Variants in SMARCC1 observed in about 807,000 individuals in gnomAD.
SMARCC1 encodes the protein SWI/SNF complex subunit SMARCC1.
Under a neutral mutation model 147.4 loss-of-function variants are expected in SMARCC1, and 43 were observed. The observed-to-expected ratio is 0.29, with a 90% CI of 0.23 to 0.38. SMARCC1 has a LOEUF of 0.38. Among genes scored for constraint, SMARCC1 ranks in the 10% least tolerant of loss-of-function variants. The pLI is 1.00. For missense variants in SMARCC1, 1,119 were observed against 1,381.1 expected, an observed-to-expected ratio of 0.81 and a Z score of 3.01; for synonymous variants, 495 against 484.4, an observed-to-expected ratio of 1.02 and a Z score of -0.29.
chr3:47,602,842 C>T (rs979849648), intron 26 of SMARCC1, among the ~76,000 whole-genome samples: 1 of 152,184 alleles, frequency 6.6e-6, no homozygotes, highest in Non-Finnish European at 1.5e-5. Context: ...TCAAGAGTGC[C>T]TCATTTATTA....
chr3:47,614,098 T>C (rs1257743398), intron 25 of SMARCC1, among the ~76,000 whole-genome samples: 2 of 152,190 alleles, frequency 1.3e-5, no homozygotes, highest in Non-Finnish European at 2.9e-5. Flanking sequence ...CACACCTTCC[T>C]TTTCAATGCT....
At chr3:47,694,742 T>C (rs549325693) in intron 11 of SMARCC1, among the ~76,000 whole-genome samples, 9 of 152,342 alleles carry the variant, frequency 5.9e-5, no homozygotes, top group Non-Finnish European at 1.0e-4. Flanking sequence ...GAAAATCTTA[T>C]AGATGAAAAT....
At chr3:47,778,643 CTATTA>C (rs1309191773) in intron 1 of SMARCC1, among the ~76,000 whole-genome samples, 3 of 152,048 alleles carry the variant, frequency 2.0e-5, no homozygotes. Flanking sequence ...CAAAAAAAGT[CTATTA>C]TATTTTATTT....
At chr3:47,671,819 T>C (rs2033506286) in intron 18 of SMARCC1, among the ~76,000 whole-genome samples, 1 of 152,162 alleles carries the variant, frequency 6.6e-6, no homozygotes, top group Non-Finnish European at 1.5e-5. Context: ...ATTTAATAAA[T>C]AAACATTTCT....
At chr3:47,706,215 G>A (rs531322442) in intron 10 of SMARCC1, among the ~76,000 whole-genome samples, 194 bp downstream of exon 10, 1 of 152,154 alleles carries the variant, frequency 6.6e-6, no homozygotes, top group Non-Finnish European at 1.5e-5. Flanking sequence ...GGGATGACAG[G>A]CGTGCACCAC....
intron 11 of SMARCC1, among the ~76,000 whole-genome samples, chr3:47,699,403 C>T (rs2033891461): frequency 6.6e-6 from 1 of 152,106 alleles, no homozygotes; most frequent in Non-Finnish European, 1.5e-5. Flanking sequence ...TCTTTGTCAC[C>T]TTCAGCGTTA....
intron 24 of SMARCC1, among the ~76,000 whole-genome samples, chr3:47,628,853 A>C (rs542088658): frequency 8.5e-5 from 13 of 152,278 alleles, no homozygotes; most frequent in Non-Finnish European, 1.6e-4. Context: ...CATTTTAAAC[A>C]CAGAAATCCC....
chr3:47,670,061 T>C (rs770481494), intron 19 of SMARCC1, among the ~76,000 whole-genome samples: 5 of 152,252 alleles, frequency 3.3e-5, no homozygotes, highest in Non-Finnish European at 5.9e-5. Context: ...TTATTTCTAA[T>C]TGTCACACAT....
chr3:47,739,797 T>G (rs181124096), intron 3 of SMARCC1, among the ~76,000 whole-genome samples: 50 of 152,302 alleles, frequency 3.3e-4, no homozygotes, highest in Non-Finnish European at 5.4e-4. Flanking sequence ...GGCTACCCAC[T>G]ACCACTCAAT....
intron 6 of SMARCC1, among the ~76,000 whole-genome samples, chr3:47,721,654 A>G (rs2034234515): frequency 6.6e-6 from 1 of 152,160 alleles, no homozygotes; most frequent in African/African-American, 2.4e-5. Context: ...GAATAAAGCC[A>G]TGAAGCCCTC....
intron 25 of SMARCC1, among the ~76,000 whole-genome samples, chr3:47,617,872 G>A (rs1455594858): frequency 6.6e-6 from 1 of 152,184 alleles, no homozygotes; most frequent in Non-Finnish European, 1.5e-5. Flanking sequence ...ACAGGATGTG[G>A]CAGAAGGGAT....
chr3:47,683,139 T>G (rs1297453368), intron 14 of SMARCC1, among the ~76,000 whole-genome samples: 1 of 152,138 alleles, frequency 6.6e-6, no homozygotes, highest in East Asian at 1.9e-4. Flanking sequence ...ACCTCCCGGG[T>G]TCACGCCATT....
chr3:47,722,329 C>T (rs376226470), intron 6 of SMARCC1, among the ~76,000 whole-genome samples: 2 of 125,570 alleles, frequency 1.6e-5, no homozygotes, highest in African/African-American at 5.7e-5. Flanking sequence ...CAGAGTTTCA[C>T]TCTTGTTGCC....
At chr3:47,758,886 G>A (rs2034736791) in intron 2 of SMARCC1, among the ~76,000 whole-genome samples, 1 of 151,900 alleles carries the variant, frequency 6.6e-6, no homozygotes, top group South Asian at 2.1e-4. Context: ...GCGTGATGGT[G>A]CATGCCTGTA....
chr3:47,685,196 G>A (rs1424034257), intron 14 of SMARCC1, among the ~76,000 whole-genome samples: 1 of 152,076 alleles, frequency 6.6e-6, no homozygotes, highest in African/African-American at 2.4e-5. Flanking sequence ...TCTAATAACT[G>A]ATACGGATAC....
chr3:47,657,060 T>C (rs980783164), intron 21 of SMARCC1, among the ~76,000 whole-genome samples: 2 of 152,168 alleles, frequency 1.3e-5, no homozygotes, highest in Admixed American at 6.6e-5. Flanking sequence ...AAAGGTTCAA[T>C]ACATCAAAAA....
chr3:47,657,199 G>A (rs905880009), intron 21 of SMARCC1, among the ~76,000 whole-genome samples: 1 of 152,130 alleles, frequency 6.6e-6, no homozygotes, highest in African/African-American at 2.4e-5. Context: ...CAATAAAGGA[G>A]AGAGGTATGC....
At chr3:47,772,467 C>G (rs2034926308) in intron 2 of SMARCC1, among the ~76,000 whole-genome samples, 1 of 152,110 alleles carries the variant, frequency 6.6e-6, no homozygotes, top group African/African-American at 2.4e-5. Flanking sequence ...AGGTATCTCA[C>G]CTACAAAATA....
intron 6 of SMARCC1, among the ~76,000 whole-genome samples, chr3:47,723,147 T>C (rs910605812): frequency 2.0e-5 from 3 of 152,264 alleles, no homozygotes; most frequent in South Asian, 2.1e-4. Context: ...GGCAAGTTAT[T>C]ATCTTCAGAA....
Sources: gnomAD v4.1 joint callset for allele counts (sites outside exome capture counted in the v4.1 genomes callset) on GRCh38, gnomAD v4.1.1 for gene constraint, MANE v1.5 for transcripts, NCBI Gene and HGNC (gene_info 2026-07-23, HGNC 2026-07-21) for gene names.